Variants in CCND1 observed in about 807,000 individuals in gnomAD.
CCND1 encodes cyclin D1.
Under a neutral mutation model 26.1 loss-of-function variants are expected in CCND1, and 9 were observed. The ratio of observed to expected loss-of-function variants is 0.35; its 90% CI spans 0.21 to 0.60. The LOEUF (loss-of-function observed/expected upper bound fraction) is 0.60. Ranked by LOEUF, CCND1 falls within the 20% of genes least tolerant of loss-of-function variation. CCND1 has a pLI of 0.79. For synonymous variants in CCND1, 194 were observed against 166.1 expected (o/e 1.17, Z -1.29); for missense variants, 335 against 392.9 (o/e 0.85, Z 1.25).
At position 69,643,050 on chromosome 11, in the gene CCND1, G is replaced by A; in HGVS notation, c.218G>A (p.Cys73Tyr). 1 of 1,604,654 alleles carries A rather than the reference G, an allele frequency of 6.2e-7. No individual in the cohort carries two copies. Among genetic ancestry groups the A allele is most frequent in the Non-Finnish European group, 8.5e-7 (1 of 1,176,180 alleles). Residue 73 changes from cysteine (C) to tyrosine (Y), a missense_variant, in exon 2 of 5, where the codon TGC becomes TAC. Coordinates refer to ENST00000227507, the MANE Select transcript of CCND1 (RefSeq NM_053056.3). The part of the protein sequence containing the change: ...WMLEVCEEQK[C>Y]EEEVFPLAMN... ...CCGTAGGTCTGCGAGGAACAGAAGTGCGAGGAGGAGGTCTTCCCGCTGGCC... is the reference window on the plus strand; with the variant it reads ...CCGTAGGTCTGCGAGGAACAGAAGTACGAGGAGGAGGTCTTCCCGCTGGCC...
At chr11:69,648,738 C>A (rs1490263315) in intron 4 of CCND1, among the ~76,000 whole-genome samples, 2 of 152,174 alleles carry the variant, frequency 1.3e-5, no homozygotes, top group African/African-American at 2.4e-5. Context: ...CAAATTAGAC[C>A]AGAGAGGTGG....
At chr11:69,644,377 G>A (rs1036677876) in intron 3 of CCND1, among the ~76,000 whole-genome samples, 4 of 152,200 alleles carry the variant, frequency 2.6e-5, no homozygotes, top group Non-Finnish European at 5.9e-5. Context: ...TCCTTAAGGA[G>A]CCTGAGCTGC....
chr11:69,641,227 GGAGCGCGGGGCAGCAGAAGCGAGAGCC>G lies in CCND1; in HGVS notation c.-78_-52del. On this transcript the variant is annotated 5_prime_UTR_variant, in exon 1 of 5. Transcript: ENST00000227507. ...CCGGCGAGGGGCAGAAGAGCGCGAG[GGAGCGCGGGGCAGCAGAAGCGAGAGCC>G]GAGCGCGGACCCAGCCAGGACCCAC... is the stretch of plus-strand genomic sequence containing the variant. The G allele has an allele frequency of 7.6e-7, 1 of 1,317,202 alleles. No homozygotes were observed. Among genetic ancestry groups the G allele is most frequent in the South Asian group, 1.2e-5 (1 of 83,892 alleles). The allele number at this position is 1,317,202 out of a possible 1,614,324, so 81.6% of individuals were successfully genotyped here.
In CCND1 at chr11:69,648,152, G is replaced by A. The variant is rs371455093; in HGVS notation, c.723+10G>A. ...GATCAAGTGTGACCCGGTAAGTGAG[G>A]GTGATGTCCCAGGCAGCCTTGCCGG... is the stretch of plus-strand genomic sequence containing the variant. On this transcript the variant is annotated intron_variant, in intron 4 of 4. Coordinates refer to ENST00000227507, the MANE Select transcript of CCND1 (RefSeq NM_053056.3). The A allele has an allele frequency of 6.2e-7, 1 of 1,613,472 alleles. No homozygotes were observed. Among genetic ancestry groups the A allele is most frequent in the South Asian group, 1.1e-5 (1 of 91,050 alleles).
In CCND1 at chr11:69,653,922, T is replaced by C; in HGVS notation, c.*2640T>C. ...TTATGTACTAGTGTTCTGTTTGTTA[T>C]TGTTTTGTTAATTACACCATAATGC... On this transcript the variant is annotated 3_prime_UTR_variant, in exon 5 of 5. Coordinates refer to ENST00000227507, the MANE Select transcript of CCND1 (RefSeq NM_053056.3). The C allele has an allele frequency of 1.9e-6, 1 of 536,824 alleles. No homozygotes were observed. Among genetic ancestry groups the C allele is most frequent in the Non-Finnish European group, 3.3e-6 (1 of 301,514 alleles). The allele number at this position is 536,824 out of a possible 1,614,324, so 33.3% of individuals were successfully genotyped here.
chr11:69,644,452 G>GA (rs1162142421), intron 3 of CCND1, among the ~76,000 whole-genome samples: 1 of 152,222 alleles, frequency 6.6e-6, no homozygotes. Context: ...GGGGCGGGGA[G>GA]AGCTGTCGGC....
rs1348922942 is a variant in CCND1, at chr11:69,652,458, T to C, written c.*1176T>C. 1 of 233,464 alleles carries C rather than the reference T, an allele frequency of 4.3e-6. No individual in the cohort carries two copies. Among genetic ancestry groups the C allele is most frequent in the African/African-American group, 2.2e-5 (1 of 45,326 alleles). The allele number at this position is 233,464 out of a possible 1,614,324, so 14.5% of individuals were successfully genotyped here. A position where few individuals can be genotyped will look rare whatever the true frequency, so the allele number is the denominator to read the frequency against. ...GTGGTGGCAGTGGAGGTGGGGTGTTTGGGAGGCTGCGTGCCAGTCAAGAAG... is the reference window on the plus strand; with the variant it reads ...GTGGTGGCAGTGGAGGTGGGGTGTTCGGGAGGCTGCGTGCCAGTCAAGAAG... On this transcript the variant is annotated 3_prime_UTR_variant, in exon 5 of 5. Coordinates refer to ENST00000227507, the MANE Select transcript of CCND1 (RefSeq NM_053056.3).
At chr11:69,645,022 A>C (rs1855761445) in intron 3 of CCND1, among the ~76,000 whole-genome samples, 1 of 152,164 alleles carries the variant, frequency 6.6e-6, no homozygotes, top group Admixed American at 6.5e-5. Context: ...GGTAGCCCGC[A>C]GCCGGTATTC....
chr11:69,653,408 C>T lies in CCND1; in HGVS notation c.*2126C>T. The T allele has an allele frequency of 4.8e-6, 3 of 629,878 alleles. No individual in the cohort carries two copies. In the South Asian group the frequency reaches 5.3e-5, roughly 11 times the overall value. 39.0% of individuals were successfully genotyped at this position (629,878 alleles called of 1,614,324 possible). On this transcript the variant is annotated 3_prime_UTR_variant, in exon 5 of 5. Coordinates refer to ENST00000227507, the MANE Select transcript of CCND1 (RefSeq NM_053056.3). ...CTCTTAGAACATTGTATTACAGATG[C>T]CTTTTTTGTAGTTTTTTTTTTTTTT...
chr11:69,643,456 C>T (rs1855737179), intron 2 of CCND1: 5 of 476,644 alleles, frequency 1.0e-5, no homozygotes, highest in Non-Finnish European at 1.8e-5. Flanking sequence ...TTGCCTGCGA[C>T]TCCCACCGCG....
rs1321686892 is a variant in CCND1, at chr11:69,652,791, C to CAA, written c.*1510_*1511insAA. The stretch of plus-strand genomic sequence containing the variant: ...TTAAACACACAGATACACACACACA[C>CAA]ACACACACACACAAACCTTCTGCCT... On this transcript the variant is annotated 3_prime_UTR_variant, in exon 5 of 5. Coordinates refer to ENST00000227507, the MANE Select transcript of CCND1 (RefSeq NM_053056.3). The CAA allele has an allele frequency of 8.4e-6, 2 of 237,980 alleles. No individual in the cohort carries two copies. Among genetic ancestry groups the CAA allele is most frequent in the Admixed American group, 5.5e-5 (1 of 18,158 alleles). 14.7% of individuals were successfully genotyped at this position (237,980 alleles called of 1,614,324 possible).
At position 69,653,608 on chromosome 11, in the gene CCND1, C is replaced by T. The variant is rs3212904; in HGVS notation, c.*2326C>T. On this transcript the variant is annotated 3_prime_UTR_variant, in exon 5 of 5. Coordinates refer to ENST00000227507, the MANE Select transcript of CCND1 (RefSeq NM_053056.3). Reference sequence around the variant, plus strand: ...GGCTGGCGGGGGCCGGCCCCGAGGCCGCGTGCGTGAGAACCGCGCCGGTGT... The same window carrying T: ...GGCTGGCGGGGGCCGGCCCCGAGGCTGCGTGCGTGAGAACCGCGCCGGTGT... 273 of 476,782 alleles carry T rather than the reference C, an allele frequency of 5.7e-4. 1 individual carries two copies. Among genetic ancestry groups the T allele is most frequent in the African/African-American group, 4.8e-3 (239 of 49,544 alleles). 29.5% of individuals were successfully genotyped at this position (476,782 alleles called of 1,614,324 possible). A position where few individuals can be genotyped will look rare whatever the true frequency, so the allele number is the denominator to read the frequency against.
intron 4 of CCND1, among the ~76,000 whole-genome samples, chr11:69,650,285 C>T (rs867930411): frequency 2.6e-5 from 4 of 152,254 alleles, no homozygotes; most frequent in Non-Finnish European, 4.4e-5. Flanking sequence ...CAGAAGCCCC[C>T]GGGCAGTAAG....
chr11:69,643,772 TC>T, intron 2 of CCND1, 59 bp from the exon 3 acceptor site: 2 of 1,537,976 alleles, frequency 1.3e-6, no homozygotes, highest in South Asian at 2.5e-5. Context: ...GCTGCCGGCT[TC>T]CCCGCGCCCC....
chr11:69,643,263 G>A lies in CCND1; in HGVS notation c.414+17G>A, dbSNP rs1555063089. 4 of 1,531,892 alleles carry A rather than the reference G, an allele frequency of 2.6e-6. No homozygotes were observed. Among genetic ancestry groups the A allele is most frequent in the Admixed American group, 2.0e-5 (1 of 50,896 alleles). The allele number at this position is 1,531,892 out of a possible 1,614,324, so 94.9% of individuals were successfully genotyped here. ...GAGCTGCTGGTAACCACTGGACCCC[G>A]CCGCCCCCCGCCCCCCGCGAGCCGC... On this transcript the variant is annotated intron_variant, in intron 2 of 4. Transcript: ENST00000227507.
At chr11:69,650,565 C>T (rs918878777) in intron 4 of CCND1, among the ~76,000 whole-genome samples, 9 of 152,164 alleles carry the variant, frequency 5.9e-5, no homozygotes, top group South Asian at 2.1e-4. Flanking sequence ...CAGGCCTGAG[C>T]GGGAGAGGAT....
At position 69,653,257 on chromosome 11, in the gene CCND1, CTTCCAGGCACGGTTTGGAAATA is replaced by C; in HGVS notation, c.*1979_*2000del. ...TTTCTTATTGCGCTGCTACCGTTGA[CTTCCAGGCACGGTTTGGAAATA>C]TTCACATCGCTTCTGTGTATCTCTT... On this transcript the variant is annotated 3_prime_UTR_variant, in exon 5 of 5. Coordinates refer to ENST00000227507, the MANE Select transcript of CCND1 (RefSeq NM_053056.3). 1 of 702,192 alleles carries C rather than the reference CTTCCAGGCACGGTTTGGAAATA, an allele frequency of 1.4e-6. No homozygotes were observed. The highest frequency in any genetic ancestry group is 2.6e-6 in the Non-Finnish European group (1 of 384,770). The allele number at this position is 702,192 out of a possible 1,614,324, so 43.5% of individuals were successfully genotyped here. A position where few individuals can be genotyped will look rare whatever the true frequency, so the allele number is the denominator to read the frequency against.
intron 2 of CCND1, 52 bp from the exon 3 acceptor site, chr11:69,643,780 C>T (rs1855743028): frequency 4.5e-6 from 7 of 1,556,876 alleles, no homozygotes; most frequent in South Asian, 3.6e-5. Flanking sequence ...CTTCCCCGCG[C>T]CCCCGGGCTG....
rs546610919 is a variant in CCND1, at chr11:69,648,415, C to T, written c.723+273C>T. On this transcript the variant is annotated intron_variant, in intron 4 of 4. Coordinates refer to ENST00000227507, the MANE Select transcript of CCND1 (RefSeq NM_053056.3). ...GAGTTTCTGGGCGAAGCGTCCGGGA[C>T]GGAGGCCCCAGGCGGCCCCAGCCAA... Among the ~76,000 whole-genome samples, 46 of 152,326 alleles carry T rather than the reference C, an allele frequency of 3.0e-4. No homozygotes were observed. The East Asian group carries it at 7.3e-3, about 24-fold the overall frequency.
Sources: gnomAD v4.1 joint callset for allele counts (sites outside exome capture counted in the v4.1 genomes callset) on GRCh38, gnomAD v4.1.1 for gene constraint, MANE v1.5 for transcripts, NCBI Gene and HGNC (gene_info 2026-07-23, HGNC 2026-07-21) for gene names.